The following GNPTAB variants were observed in gnomAD, a reference collection of about 807,000 sequenced individuals.
The protein encoded by GNPTAB is N-acetylglucosamine-1-phosphate transferase subunits alpha and beta, also known as N-acetylglucosamine-1-phosphotransferase subunits alpha/beta.
In GNPTAB, 92 loss-of-function variants were observed where a neutral mutation model predicts 136.6. That is an observed-to-expected ratio of 0.67 (90% CI 0.57 to 0.80). GNPTAB has a LOEUF of 0.80. GNPTAB is among the 30% of genes least tolerant of loss of function. The probability of loss-of-function intolerance (pLI) is 0.00; values close to 1 mark genes in which losing one functional copy is unlikely to be tolerated. For synonymous variants in GNPTAB, 512 were observed against 535.1 expected (o/e 0.96, Z 0.60); for missense variants, 1,343 against 1,501.8 (o/e 0.89, Z 1.75).
intron 1 of GNPTAB, among the ~76,000 whole-genome samples, chr12:101,824,466 TTTTTG>T (rs572259921): frequency 3.1e-5 from 4 of 128,668 alleles, no homozygotes; most frequent in African/African-American, 6.1e-5. Context: ...TTGGTTAACC[TTTTTG>T]TTTTGTTTTG....
In GNPTAB at chr12:101,757,252, G is replaced by A; in HGVS notation, c.3394C>T (p.His1132Tyr). ...AFKMIRTNVS[H>Y]VVGQLDDIRK... ...ATGTCATCCAACTGGCCAACCACAT[G>A]AGAAACGTTGGTACGAATCATTTTA... The change falls in exon 18 of 21, where the codon CAT (histidine) becomes TAT (tyrosine). Residue 1132 changes from histidine to tyrosine, a missense_variant. Physicochemically the swap from His to Tyr is moderately conservative, Grantham distance 83. Transcript: ENST00000299314. 1 of 1,609,600 alleles carries A rather than the reference G, an allele frequency of 6.2e-7. No homozygotes were observed. The highest frequency in any genetic ancestry group is 8.5e-7 in the Non-Finnish European group (1 of 1,176,500).
chr12:101,771,400 C>T (rs534464339), intron 7 of GNPTAB, among the ~76,000 whole-genome samples: 5 of 152,232 alleles, frequency 3.3e-5, no homozygotes, highest in South Asian at 4.1e-4. Flanking sequence ...TGCATCATCA[C>T]GCCCGGCAAA....
At position 101,788,591 on chromosome 12, in the gene GNPTAB, T is replaced by A; in HGVS notation, c.324-2A>T. The A allele has an allele frequency of 6.6e-7, 1 of 1,519,686 alleles. No individual in the cohort carries two copies. Among genetic ancestry groups the A allele is most frequent in the Non-Finnish European group, 9.1e-7 (1 of 1,094,150 alleles). The allele number at this position is 1,519,686 out of a possible 1,614,324, so 94.1% of individuals were successfully genotyped here. ...GTTGTGTTTTTCCCAAGGATTTCTC[T>A]AATAAAAAGCAAATACAGTTTATTA... On this transcript the variant is annotated splice_acceptor_variant, in intron 3 of 20. Coordinates refer to ENST00000299314, the MANE Select transcript of GNPTAB (RefSeq NM_024312.5). LOFTEE classifies it high-confidence loss of function.
At position 101,780,606 on chromosome 12, in the gene GNPTAB, G is replaced by A; in HGVS notation, c.587C>T (p.Ser196Phe). ...DSTKDVEDAHSGLLKGNSRQT... is the reference protein window; with the variant it reads ...DSTKDVEDAHFGLLKGNSRQT... ...TCTGCTATTTCCTTTAAGCAGTCCA[G>A]AGTGGGCATCTTCAACTACAACCAA... Residue 196 changes from serine to phenylalanine, a missense_variant, in exon 6 of 21, where the codon TCT becomes TTT. By Grantham distance (155) the Ser-to-Phe change is radical. Transcript: ENST00000299314. 1.9e-6 allele frequency: 3 copies of A among 1,609,880 alleles called. No individual in the cohort carries two copies. Among genetic ancestry groups the A allele is most frequent in the Non-Finnish European group, 2.6e-6 (3 of 1,176,354 alleles).
At chr12:101,794,843 G>A (rs1869189668) in intron 2 of GNPTAB, among the ~76,000 whole-genome samples, 1 of 152,028 alleles carries the variant, frequency 6.6e-6, no homozygotes, top group Non-Finnish European at 1.5e-5. Flanking sequence ...AAGATGGGAG[G>A]ATTGCTTGAG....
At chr12:101,789,429 C>T (rs932829380) in intron 3 of GNPTAB, among the ~76,000 whole-genome samples, 1 of 152,014 alleles carries the variant, frequency 6.6e-6, no homozygotes, top group African/African-American at 2.4e-5. Flanking sequence ...ATCAACTTAC[C>T]CTTCTCTAAT....
intron 1 of GNPTAB, among the ~76,000 whole-genome samples, chr12:101,813,927 A>T (rs1034353408): frequency 6.6e-6 from 1 of 152,114 alleles, no homozygotes; most frequent in Non-Finnish European, 1.5e-5. Context: ...AAAAACACAA[A>T]AATTAGCCAG....
intron 2 of GNPTAB, 45 bp downstream of exon 2, chr12:101,796,632 T>TA: frequency 7.8e-7 from 1 of 1,284,712 alleles, no homozygotes. Flanking sequence ...TTTCATGACT[T>TA]ACGATTTAGG....
At chr12:101,814,503 C>G (rs1870413346) in intron 1 of GNPTAB, among the ~76,000 whole-genome samples, 1 of 152,012 alleles carries the variant, frequency 6.6e-6, no homozygotes, top group Non-Finnish European at 1.5e-5. Context: ...TCGAGACCAG[C>G]CTGGCCAACA....
At chr12:101,830,270 A>G (rs1300423233) in intron 1 of GNPTAB, among the ~76,000 whole-genome samples, 1 of 152,150 alleles carries the variant, frequency 6.6e-6, no homozygotes, top group Non-Finnish European at 1.5e-5. Flanking sequence ...ATCTAAAATC[A>G]CATACATGCC....
chr12:101,756,566 C>A, intron 18 of GNPTAB: 1 of 286,570 alleles, frequency 3.5e-6, no homozygotes. Context: ...AGAGTGAGAT[C>A]CTGTCTCAAA....
At chr12:101,770,690 G>C in intron 8 of GNPTAB, 105 bp from the exon 9 acceptor site, 1 of 821,112 alleles carries the variant, frequency 1.2e-6, no homozygotes, top group South Asian at 1.4e-5. Flanking sequence ...TGCTCTGGCA[G>C]ACTTTTAAAG....
At chr12:101,818,880 T>C (rs1445015649) in intron 1 of GNPTAB, among the ~76,000 whole-genome samples, 1 of 152,218 alleles carries the variant, frequency 6.6e-6, no homozygotes, top group Non-Finnish European at 1.5e-5. Flanking sequence ...GATGGTTTTA[T>C]AAAGGGCAGT....
rs371253750 is a variant in GNPTAB, at chr12:101,764,583, G to A, written c.2334C>T (p.Ser778=). The part of the protein sequence containing the change: ...KQVHKSILPN[S]LGVSERLQRL... The stretch of plus-strand genomic sequence containing the variant: ...TCTGCAATCTTTCAGACACTCCTAA[G>A]CTGTTTGGCAAGATGCTTTTATGAA... The change falls in exon 13 of 21, where the codon AGC becomes AGT. Residue 778 remains serine (S), a synonymous_variant. Transcript: ENST00000299314. 8.7e-6 allele frequency: 14 copies of A among 1,613,918 alleles called. No homozygotes were observed. Among genetic ancestry groups the A allele is most frequent in the Non-Finnish European group, 2.5e-6 (3 of 1,179,982 alleles).
At chr12:101,806,094 T>C (rs149128696) in intron 1 of GNPTAB, among the ~76,000 whole-genome samples, 60 of 152,330 alleles carry the variant, frequency 3.9e-4, no homozygotes, top group Non-Finnish European at 7.4e-4. Context: ...TCTGAGGACA[T>C]AGCAATGACC....
At chr12:101,785,812 T>C in intron 5 of GNPTAB, 200 bp downstream of exon 5, 1 of 577,270 alleles carries the variant, frequency 1.7e-6, no homozygotes, top group Non-Finnish European at 3.1e-6. Flanking sequence ...GTATGTGTAT[T>C]ACACAGAGTA....
At chr12:101,819,261 C>T (rs1870679413) in intron 1 of GNPTAB, among the ~76,000 whole-genome samples, 1 of 152,196 alleles carries the variant, frequency 6.6e-6, no homozygotes, top group Non-Finnish European at 1.5e-5. Context: ...ATCCACCTGC[C>T]CCGGCCTCCC....
chr12:101,829,943 T>C (rs573772598), intron 1 of GNPTAB, among the ~76,000 whole-genome samples: 1 of 146,236 alleles, frequency 6.8e-6, no homozygotes, highest in Admixed American at 6.9e-5. Flanking sequence ...CAAGCAAATG[T>C]ATACTGTGGC....
intron 4 of GNPTAB, among the ~76,000 whole-genome samples, chr12:101,786,883 C>T (rs1868678200): frequency 6.6e-6 from 1 of 152,104 alleles, no homozygotes; most frequent in South Asian, 2.1e-4. Context: ...AAACAATGAG[C>T]TATCACCTTT....
Sources: gnomAD v4.1 joint callset for allele counts (sites outside exome capture counted in the v4.1 genomes callset) on GRCh38, gnomAD v4.1.1 for gene constraint, MANE v1.5 for transcripts, NCBI Gene and HGNC (gene_info 2026-07-23, HGNC 2026-07-21) for gene names.